Variants in CDAN1 observed in about 807,000 individuals in gnomAD.
CDAN1 encodes codanin-1.
In CDAN1, 107 loss-of-function variants were observed where a neutral mutation model predicts 139.8. That is an observed-to-expected ratio of 0.77 (90% CI 0.65 to 0.90). CDAN1 has a LOEUF of 0.90. Ranked by LOEUF, CDAN1 falls within the 40% of genes least tolerant of loss-of-function variation. The probability of loss-of-function intolerance (pLI) is 0.00; values close to 1 mark genes in which losing one functional copy is unlikely to be tolerated. For missense variants in CDAN1, 1,667 were observed against 1,575.7 expected (o/e 1.06, Z -0.98); for synonymous variants, 776 against 660.6 (o/e 1.17, Z -2.68).
rs771358101 is a variant in CDAN1 at position 42,729,007 on chromosome 15, C to T, written c.2645+16G>A. On this transcript the variant is annotated intron_variant, in intron 19 of 27. Coordinates refer to ENST00000356231, the MANE Select transcript of CDAN1 (RefSeq NM_138477.4). Reference sequence around the variant, plus strand: ...ATGGTAGGGCGATGAGACCAGGATCCTTAACCCACTCTTACTTGATATGTT... The same window carrying T: ...ATGGTAGGGCGATGAGACCAGGATCTTTAACCCACTCTTACTTGATATGTT... 12 of 1,612,390 alleles carry T rather than the reference C, an allele frequency of 7.4e-6. No homozygotes were observed. The highest frequency in any genetic ancestry group is 1.0e-5 in the Non-Finnish European group (12 of 1,178,380).
In CDAN1 at chr15:42,736,331, G is replaced by A. The variant is rs751739910; in HGVS notation, c.540C>T (p.Pro180=). The change falls in exon 2 of 28, where the codon CCC becomes CCT. Residue 180 remains proline, a synonymous_variant. Transcript: ENST00000356231. The part of the protein sequence containing the change: ...PNLSNLEEFP[P]VGSVPPGPTG... ...TAGGGCCGGGGGGAACCGAGCCTAC[G>A]GGAGGGAACTCCTCCAGGTTGCTGA... 3.1e-6 allele frequency: 5 copies of A among 1,613,814 alleles called. No homozygotes were observed. Among genetic ancestry groups the A allele is most frequent in the Admixed American group, 1.7e-5 (1 of 60,020 alleles).
chr15:42,726,175 G>T lies in CDAN1; in HGVS notation c.3205-15C>A. ...GGGCACAGGAACTGCGGTTGGGGTG[G>T]GGGGGAAAGAGAGACCATAGGTATC... On this transcript the variant is annotated splice_polypyrimidine_tract_variant and intron_variant, in intron 24 of 27. Transcript: ENST00000356231. 6.2e-7 allele frequency: 1 copy of T among 1,613,912 alleles called. No individual in the cohort carries two copies. Among genetic ancestry groups the T allele is most frequent in the Non-Finnish European group, 8.5e-7 (1 of 1,179,848 alleles).
chr15:42,735,432 G>C, intron 4 of CDAN1, 58 bp from the exon 5 acceptor site: 28 of 1,595,644 alleles, frequency 1.8e-5, no homozygotes, highest in Non-Finnish European at 2.3e-5. Context: ...CCAAGGCTCA[G>C]TTCCAAGTGC....
chr15:42,731,489 T>C (rs574644094), intron 11 of CDAN1, 131 bp downstream of exon 11: 2 of 1,406,836 alleles, frequency 1.4e-6, no homozygotes, highest in Admixed American at 3.4e-5. Flanking sequence ...AGAAGTGCAA[T>C]GAAGCCAGCA....
intron 6 of CDAN1, 100 bp from the exon 7 acceptor site, chr15:42,734,446 G>T: frequency 2.1e-6 from 3 of 1,451,592 alleles, no homozygotes; most frequent in Non-Finnish European, 9.6e-7. Flanking sequence ...CATGGCGCAG[G>T]TATGCAAGCC....
At position 42,725,211 on chromosome 15, in the gene CDAN1, TTCTCCACCA is replaced by T; in HGVS notation, c.3482_3490del (p.Leu1161_Lys1164delinsGln). 2 of 1,614,192 alleles carry T rather than the reference TTCTCCACCA, an allele frequency of 1.2e-6. No individual in the cohort carries two copies. Among genetic ancestry groups the T allele is most frequent in the Non-Finnish European group, 1.7e-6 (2 of 1,180,026 alleles). ...TATCTCCATCCGTCCCATCAGACCCTTCTCCACCAGCTCCCGTAGCAAGAATAGCAGCAA... is the reference window on the plus strand; with the variant it reads ...TATCTCCATCCGTCCCATCAGACCCTGCTCCCGTAGCAAGAATAGCAGCAA... On this transcript the variant is annotated inframe_deletion, in exon 27 of 28. Coordinates refer to ENST00000356231, the MANE Select transcript of CDAN1 (RefSeq NM_138477.4).
intron 23 of CDAN1, 31 bp from the exon 24 acceptor site, chr15:42,726,448 C>G (rs372937659): frequency 1.3e-6 from 2 of 1,516,548 alleles, no homozygotes; most frequent in Non-Finnish European, 1.8e-6. Flanking sequence ...TATCACCTTG[C>G]GCTGGGGGCC....
intron 3 of CDAN1, 23 bp from the exon 4 acceptor site, chr15:42,735,702 G>T (rs370916890): frequency 9.9e-6 from 16 of 1,613,122 alleles, no homozygotes; most frequent in Non-Finnish European, 1.3e-5. Flanking sequence ...GAAATTTCAT[G>T]AGCAGTCAGC....
At position 42,729,952 on chromosome 15, in the gene CDAN1, C is replaced by T. The variant is rs865798559; in HGVS notation, c.2263-67G>A. 9.7e-5 allele frequency: 124 copies of T among 1,277,766 alleles called. 2 individuals carry two copies. In the South Asian group the frequency reaches 1.1e-3, roughly 11 times the overall value. 79.2% of individuals were successfully genotyped at this position (1,277,766 alleles called of 1,614,324 possible). On this transcript the variant is annotated intron_variant, in intron 15 of 27. Coordinates refer to ENST00000356231, the MANE Select transcript of CDAN1 (RefSeq NM_138477.4). ...CACCCAACCCACCCCACCTCCTGCA[C>T]GGTCCCAGGGTGTAGGCGCCAGCTT...
At position 42,723,936 on chromosome 15, in the gene CDAN1, TGACCTCAGGCAGTCCGCC is replaced by T. The variant is rs557465473; in HGVS notation, c.*537_*554del. 338 of 164,346 alleles carry T rather than the reference TGACCTCAGGCAGTCCGCC, an allele frequency of 2.1e-3. 9 individuals carry two copies. The South Asian group carries it at 0.047, about 23-fold the overall frequency. The allele number at this position is 164,346 out of a possible 1,614,324, so 10.2% of individuals were successfully genotyped here. On this transcript the variant is annotated 3_prime_UTR_variant, in exon 28 of 28. Transcript: ENST00000356231. Reference sequence around the variant, plus strand: ...GTTGGCCAGGCTGGTCTTGAATTCCTGACCTCAGGCAGTCCGCCGACCTCAGGCCTCTCAAAGTGCTGG... The same window carrying T: ...GTTGGCCAGGCTGGTCTTGAATTCCTGACCTCAGGCCTCTCAAAGTGCTGG...
In CDAN1 at chr15:42,737,057, C is replaced by T; in HGVS notation, c.46G>A (p.Ala16Thr). Reference protein sequence around the residue: ...ESLLREEVSVAAVVRWIARST... With the variant: ...ESLLREEVSVTAVVRWIARST... ...CGCGCGATCCACCGCACGACGGCTGCGACCGACACCTCTTCTCGCAGCAGC... is the reference window on the plus strand; with the variant it reads ...CGCGCGATCCACCGCACGACGGCTGTGACCGACACCTCTTCTCGCAGCAGC... The change falls in exon 1 of 28, where the codon GCA (alanine) becomes ACA (threonine). Residue 16 changes from alanine to threonine, a missense_variant. By Grantham distance (58) the Ala-to-Thr change is moderately conservative. Around this residue, in one of 3 missense-constraint regions of CDAN1, gnomAD observed 487 missense variants for 422.2 expected, o/e 1.15. Coordinates refer to ENST00000356231, the MANE Select transcript of CDAN1 (RefSeq NM_138477.4). The T allele has an allele frequency of 2.6e-6, 4 of 1,543,980 alleles. No homozygotes were observed. Among genetic ancestry groups the T allele is most frequent in the Admixed American group, 3.9e-5 (2 of 51,086 alleles).
chr15:42,728,132 C>G, intron 21 of CDAN1, 72 bp downstream of exon 21: 1 of 1,592,292 alleles, frequency 6.3e-7, no homozygotes. Flanking sequence ...CACCCTCCCG[C>G]AGCCTCAGAC....
Position 42,729,337 on chromosome 15 carries a change from C to A in CDAN1, c.2433G>T (p.Ser811=). ...YIGELRKLLA[S]WVSGSSGRSG... ...TCCGTCCACTACTGCCTGACACCCA[C>A]GAAGCGAGCAGTTTCCGGAGCTCTC... Residue 811 remains serine (S), a synonymous_variant, in exon 18 of 28, where the codon TCG becomes TCT. Transcript: ENST00000356231. 1.9e-6 allele frequency: 3 copies of A among 1,614,178 alleles called. No individual in the cohort carries two copies. Among genetic ancestry groups the A allele is most frequent in the Non-Finnish European group, 2.5e-6 (3 of 1,180,038 alleles).
At chr15:42,725,796 A>G in intron 25 of CDAN1, 126 bp from the exon 26 acceptor site, 3 of 932,238 alleles carry the variant, frequency 3.2e-6, no homozygotes, top group Non-Finnish European at 4.9e-6. Context: ...CAGTCTGGCC[A>G]ACATAGTGAA....
intron 17 of CDAN1, 59 bp downstream of exon 17, chr15:42,729,509 C>T (rs373093045): frequency 5.5e-5 from 88 of 1,609,592 alleles, no homozygotes; most frequent in Non-Finnish European, 7.4e-5. Context: ...CAAGGGGGTG[C>T]CTTTTGGGTA....
chr15:42,736,835 C>G, intron 1 of CDAN1, 55 bp from the exon 2 acceptor site: 3 of 1,466,040 alleles, frequency 2.0e-6, no homozygotes, highest in Non-Finnish European at 2.7e-6. Flanking sequence ...GCCCGCGGGC[C>G]GTGAGCAGCC....
intron 5 of CDAN1, 32 bp downstream of exon 5, chr15:42,735,229 C>G: frequency 6.2e-7 from 1 of 1,600,354 alleles, no homozygotes; most frequent in Admixed American, 1.7e-5. Flanking sequence ...GTTTCTAGAC[C>G]CCATGTCTCA....
chr15:42,726,555 C>CCTAGACCTGGGA, intron 23 of CDAN1, 138 bp from the exon 24 acceptor site: 1 of 680,916 alleles, frequency 1.5e-6, no homozygotes. Flanking sequence ...CCAAGTTGCC[C>CCTAGACCTGGGA]CTAGACCTGG....
intron 16 of CDAN1, 41 bp from the exon 17 acceptor site, chr15:42,729,663 C>T (rs1373947397): frequency 6.2e-7 from 1 of 1,610,642 alleles, no homozygotes; most frequent in Non-Finnish European, 8.5e-7. Flanking sequence ...GCCCCTCCCC[C>T]AGCGCACCCA....
Sources: gnomAD v4.1 joint callset for allele counts on GRCh38, gnomAD v4.1.1 for gene constraint, gnomAD v4.1.1 regional missense constraint, MANE v1.5 for transcripts, NCBI Gene and HGNC (gene_info 2026-07-23, HGNC 2026-07-21) for gene names.